CPA6: variants seen among roughly 807,000 people sequenced by gnomAD.
CPA6 encodes carboxypeptidase A6.
In CPA6, 58 loss-of-function variants were observed where a neutral mutation model predicts 63.3. The observed-to-expected ratio is 0.92, with a 90% CI of 0.74 to 1.14. CPA6 has a LOEUF of 1.14. Ranked by LOEUF, CPA6 falls within the 50% of genes most tolerant of loss-of-function variation. CPA6 has a pLI of 0.00. For missense variants in CPA6, 565 were observed against 526.6 expected, an observed-to-expected ratio of 1.07 and a Z score of -0.71; for synonymous variants, 185 against 179.0, an observed-to-expected ratio of 1.03 and a Z score of -0.27.
intron 6 of CPA6, among the ~76,000 whole-genome samples, chr8:67,488,405 G>C (rs11995861): frequency 0.03 from 4,529 of 152,208 alleles, 224 homozygotes; most frequent in African/African-American, 0.1. Context: ...CTGTTCCATT[G>C]GTCTCTATCT....
At chr8:67,565,247 C>T (rs1215933853) in intron 2 of CPA6, among the ~76,000 whole-genome samples, 1 of 151,570 alleles carries the variant, frequency 6.6e-6, no homozygotes, top group East Asian at 1.9e-4. Context: ...GAATCCTCCT[C>T]AAAACCCAGT....
chr8:67,717,005 C>T (rs780885823), intron 1 of CPA6, among the ~76,000 whole-genome samples: 4 of 152,094 alleles, frequency 2.6e-5, no homozygotes, highest in Non-Finnish European at 4.4e-5. Flanking sequence ...GATACTGCAG[C>T]CCTTGTTGAG....
At chr8:67,423,812 T>C (rs73691986) in intron 10 of CPA6, among the ~76,000 whole-genome samples, 1,683 of 152,312 alleles carry the variant, frequency 0.011, 31 homozygotes, top group African/African-American at 0.039. Flanking sequence ...CTACTCTAGA[T>C]CAGGGGTCCC....
At position 67,428,067 on chromosome 8, in the gene CPA6, C is replaced by A; in HGVS notation, c.1106G>T (p.Gly369Val). The stretch of plus-strand genomic sequence containing the variant: ...CTTACACAACGTTGTGGAGGCTGGT[C>A]CATATCTGTATCGTACCCCGTATAC... The part of the protein sequence containing the change: ...QSVYGVRYRY[G>V]PASTTLYVSS... The change falls in exon 10 of 11, where the codon GGA becomes GTA. Residue 369 changes from glycine (G) to valine (V), a missense_variant. Transcript: ENST00000297770. The A allele has an allele frequency of 6.2e-7, 1 of 1,611,794 alleles. No homozygotes were observed. The highest frequency in any genetic ancestry group is 8.5e-7 in the Non-Finnish European group (1 of 1,178,126).
At chr8:67,542,077 T>C (rs920597846) in intron 2 of CPA6, among the ~76,000 whole-genome samples, 9 of 152,242 alleles carry the variant, frequency 5.9e-5, no homozygotes, top group Admixed American at 5.9e-4. Context: ...CTCATTTGGG[T>C]ATCTCAACAA....
At chr8:67,648,480 A>G (rs1046426268) in intron 1 of CPA6, among the ~76,000 whole-genome samples, 2 of 152,192 alleles carry the variant, frequency 1.3e-5, no homozygotes, top group Admixed American at 1.3e-4. Flanking sequence ...TCTTGAGCAA[A>G]TGGAGCATAA....
At chr8:67,666,464 G>A (rs1816228558) in intron 1 of CPA6, among the ~76,000 whole-genome samples, 1 of 152,138 alleles carries the variant, frequency 6.6e-6, no homozygotes, top group Non-Finnish European at 1.5e-5. Context: ...CCTGGTAGCA[G>A]CCAGTAAAGC....
chr8:67,655,738 G>A (rs1014701403), intron 1 of CPA6, among the ~76,000 whole-genome samples: 1 of 151,948 alleles, frequency 6.6e-6, no homozygotes, highest in African/African-American at 2.4e-5. Flanking sequence ...GTGACTCTAA[G>A]GGCATCATTA....
chr8:67,704,964 A>G (rs1817101790), intron 1 of CPA6, among the ~76,000 whole-genome samples: 1 of 152,138 alleles, frequency 6.6e-6, no homozygotes, highest in African/African-American at 2.4e-5. Flanking sequence ...TAGCCTCTTC[A>G]GTATTTTATA....
chr8:67,721,742 C>G (rs1817504645), intron 1 of CPA6, among the ~76,000 whole-genome samples: 1 of 152,180 alleles, frequency 6.6e-6, no homozygotes, highest in Non-Finnish European at 1.5e-5. Flanking sequence ...TTGAATTTTA[C>G]AAATTTTGCC....
chr8:67,709,695 G>A (rs1176765777), intron 1 of CPA6, among the ~76,000 whole-genome samples: 1 of 152,164 alleles, frequency 6.6e-6, no homozygotes, highest in Admixed American at 6.5e-5. Context: ...GACATTCCAG[G>A]GAAACAGGAA....
chr8:67,638,990 A>G (rs1449302231), intron 1 of CPA6, among the ~76,000 whole-genome samples: 1 of 151,512 alleles, frequency 6.6e-6, no homozygotes, highest in Non-Finnish European at 1.5e-5. Flanking sequence ...AAGTACTCCC[A>G]TAAAGTTCTA....
intron 2 of CPA6, among the ~76,000 whole-genome samples, chr8:67,586,643 G>A (rs549246747): frequency 6.6e-6 from 1 of 152,128 alleles, no homozygotes; most frequent in Non-Finnish European, 1.5e-5. Flanking sequence ...GGCTGTAAAT[G>A]TTATGATTAA....
In CPA6 at chr8:67,673,578, G is replaced by C. The variant is rs1316946016; in HGVS notation, c.117-49327C>G. Among the ~76,000 whole-genome samples, 5 of 147,920 alleles carry C rather than the reference G, an allele frequency of 3.4e-5. No homozygotes were observed. The East Asian group carries it at 9.9e-4, about 29-fold the overall frequency. ...TTTTTTTTTTTTTGTATTTTTAGTAGAGACGGGGTTTCACCGTGTTAGCCA... is the reference window on the plus strand; with the variant it reads ...TTTTTTTTTTTTTGTATTTTTAGTACAGACGGGGTTTCACCGTGTTAGCCA... On this transcript the variant is annotated intron_variant, in intron 1 of 10. Transcript: ENST00000297770.
At chr8:67,490,497 C>T (rs1048930998) in intron 6 of CPA6, among the ~76,000 whole-genome samples, 5 of 152,142 alleles carry the variant, frequency 3.3e-5, no homozygotes, top group Non-Finnish European at 5.9e-5. Context: ...ACTGCATCAC[C>T]TCACTTAAAT....
chr8:67,484,647 C>T (rs755256613), intron 7 of CPA6, 32 bp downstream of exon 7: 10 of 1,138,200 alleles, frequency 8.8e-6, no homozygotes, highest in South Asian at 1.3e-5. Flanking sequence ...TTATTTAGTC[C>T]TCTTTTCAAC....
At chr8:67,623,173 G>T (rs1216169473) in intron 2 of CPA6, among the ~76,000 whole-genome samples, 2 of 152,114 alleles carry the variant, frequency 1.3e-5, no homozygotes. Flanking sequence ...TAAGAGGAAA[G>T]TGCCTAGATG....
At chr8:67,714,771 T>C (rs1397756065) in intron 1 of CPA6, among the ~76,000 whole-genome samples, 1 of 152,132 alleles carries the variant, frequency 6.6e-6, no homozygotes, top group Non-Finnish European at 1.5e-5. Flanking sequence ...TTACTGGAAA[T>C]AGACTTTGTA....
chr8:67,646,461 G>A (rs911495760), intron 1 of CPA6, among the ~76,000 whole-genome samples: 1 of 152,148 alleles, frequency 6.6e-6, no homozygotes, highest in African/African-American at 2.4e-5. Context: ...CCCATTTTTG[G>A]TGGGGGAACG....
Sources: gnomAD v4.1 joint callset for allele counts (sites outside exome capture counted in the v4.1 genomes callset) on GRCh38, gnomAD v4.1.1 for gene constraint, MANE v1.5 for transcripts, NCBI Gene and HGNC (gene_info 2026-07-23, HGNC 2026-07-21) for gene names.